The following KLF8 variants were observed in gnomAD, a reference collection of about 807,000 sequenced individuals.
KLF8 encodes KLF transcription factor 8.
A neutral mutation model predicts 18.2 loss-of-function variants in KLF8; 10 were observed. The observed-to-expected ratio is 0.55, with a 90% CI of 0.34 to 0.93. The LOEUF (loss-of-function observed/expected upper bound fraction) is 0.93. KLF8 is among the 40% of genes least tolerant of loss of function. The pLI, the probability that KLF8 is intolerant of heterozygous loss-of-function variation, is 0.02. For missense variants in KLF8, 264 were observed against 277.9 expected (o/e 0.95, Z 0.36); for synonymous variants, 109 against 97.3 (o/e 1.12, Z -0.71).
the KLF8 span, among the ~76,000 whole-genome samples, chrX:56,104,477 T>C: frequency 8.9e-6 from 1 of 112,037 alleles, no homozygotes; most frequent in Non-Finnish European, 1.9e-5. Context: ...AATCCATTTC[T>C]ACTAGATTTT....
At chrX:55,959,444 T>A in the KLF8 span, among the ~76,000 whole-genome samples, 1 of 111,741 alleles carries the variant, frequency 8.9e-6, no homozygotes, top group Admixed American at 9.5e-5. Flanking sequence ...CAGTACAGAA[T>A]CTGGATGGCA....
intron 1 of KLF8, among the ~76,000 whole-genome samples, chrX:56,245,035 C>T (rs912115263): frequency 1.1e-4 from 12 of 112,263 alleles, no homozygotes; most frequent in African/African-American, 3.2e-4. Flanking sequence ...TCTAGCACTT[C>T]TAAACTATGT....
chrX:55,951,361 A>G, the KLF8 span, among the ~76,000 whole-genome samples: 1 of 108,273 alleles, frequency 9.2e-6, no homozygotes, highest in Non-Finnish European at 1.9e-5. Flanking sequence ...CTGTCATCCC[A>G]GCTACTTGGG....
chrX:56,011,973 C>CA, the KLF8 span, among the ~76,000 whole-genome samples: 1 of 110,414 alleles, frequency 9.1e-6, no homozygotes, highest in Non-Finnish European at 1.9e-5. Flanking sequence ...ATCTATCAAC[C>CA]AAAAAAAATC....
chrX:56,187,556 C>A, the KLF8 span, among the ~76,000 whole-genome samples: 1 of 111,570 alleles, frequency 9.0e-6, no homozygotes, highest in Non-Finnish European at 1.9e-5. Context: ...CAAAGCCGGG[C>A]AGAGACACAA....
the KLF8 span, among the ~76,000 whole-genome samples, chrX:56,217,866 C>G: frequency 1.8e-5 from 2 of 111,727 alleles, no homozygotes; most frequent in Non-Finnish European, 3.8e-5. Flanking sequence ...GGGCACTACC[C>G]TGAAGAAGGA....
chrX:56,022,935 C>A, the KLF8 span, among the ~76,000 whole-genome samples: 1 of 111,359 alleles, frequency 9.0e-6, no homozygotes, highest in African/African-American at 3.3e-5. Flanking sequence ...TATATAAAAT[C>A]TACCACCAAT....
the KLF8 span, among the ~76,000 whole-genome samples, chrX:56,210,724 A>T: frequency 9.1e-6 from 1 of 109,338 alleles, no homozygotes; most frequent in African/African-American, 3.3e-5. Context: ...TTTCATTTTT[A>T]AATTTTTTTT....
At chrX:55,999,693 A>T in the KLF8 span, among the ~76,000 whole-genome samples, 1 of 111,536 alleles carries the variant, frequency 9.0e-6, no homozygotes, top group African/African-American at 3.3e-5. Flanking sequence ...TGAATTGTGC[A>T]TATTGATTTT....
the KLF8 span, among the ~76,000 whole-genome samples, chrX:56,023,767 T>C: frequency 9.9e-5 from 11 of 111,626 alleles, no homozygotes; most frequent in Non-Finnish European, 1.9e-4. Flanking sequence ...GAAGAAAATA[T>C]TTTTGCAGGT....
intron 1 of KLF8, among the ~76,000 whole-genome samples, chrX:56,243,779 C>T (rs1217896399): frequency 4.6e-5 from 5 of 109,795 alleles, no homozygotes; most frequent in African/African-American, 6.6e-5. Flanking sequence ...CATGATCCAC[C>T]TGCCACGGCC....
At chrX:55,970,052 G>T in the KLF8 span, among the ~76,000 whole-genome samples, 745 of 110,483 alleles carry the variant, frequency 6.7e-3, 30 homozygotes, top group Admixed American at 0.065. Flanking sequence ...GAAAATAAAG[G>T]ATGGAATACT....
chrX:56,102,896 C>T, the KLF8 span, among the ~76,000 whole-genome samples: 1 of 75,692 alleles, frequency 1.3e-5, no homozygotes, highest in African/African-American at 5.1e-5. Flanking sequence ...TGCTATCCCT[C>T]CCCCCTCCCC....
chrX:56,107,806 A>G, the KLF8 span, among the ~76,000 whole-genome samples: 1 of 111,333 alleles, frequency 9.0e-6, no homozygotes, highest in Non-Finnish European at 1.9e-5. Context: ...TTCTGCCTCG[A>G]TCATGCTGGG....
At chrX:55,926,192 AT>A in the KLF8 span, among the ~76,000 whole-genome samples, 2 of 111,564 alleles carry the variant, frequency 1.8e-5, no homozygotes, top group Non-Finnish European at 3.8e-5. Flanking sequence ...TGTAAAAAGT[AT>A]TTTGCATACC....
chrX:56,147,361 T>G, the KLF8 span, among the ~76,000 whole-genome samples: 6 of 112,171 alleles, frequency 5.3e-5, no homozygotes, highest in African/African-American at 1.9e-4. Flanking sequence ...TTGTGGCATC[T>G]TAAAAGGGGC....
chrX:56,080,200 G>T, the KLF8 span, among the ~76,000 whole-genome samples: 1 of 109,727 alleles, frequency 9.1e-6, no homozygotes, highest in African/African-American at 3.3e-5. Flanking sequence ...TATGATGTTA[G>T]TTGGTTATTT....
At chrX:56,034,755 T>TC in the KLF8 span, among the ~76,000 whole-genome samples, 1 of 63,620 alleles carries the variant, frequency 1.6e-5, no homozygotes, top group East Asian at 4.0e-4. Context: ...TTTCTTTTTT[T>TC]TTTTTTTTTT....
the KLF8 span, among the ~76,000 whole-genome samples, chrX:55,994,843 G>A: frequency 1.8e-5 from 2 of 111,903 alleles, no homozygotes; most frequent in South Asian, 3.7e-4. Flanking sequence ...TGAGTGTGTG[G>A]TTAATTTTAG....
Sources: allele counts gnomAD v4.1 joint callset (sites outside exome capture counted in the v4.1 genomes callset), GRCh38; gene constraint gnomAD v4.1.1; transcripts MANE v1.5; gene names NCBI Gene and HGNC (gene_info 2026-07-23, HGNC 2026-07-21).